The following SPTBN1 variants were observed in gnomAD, a reference collection of about 807,000 sequenced individuals.
SPTBN1 encodes the protein spectrin beta chain, non-erythrocytic 1.
A neutral mutation model predicts 266.4 loss-of-function variants in SPTBN1; 32 were observed. That is an observed-to-expected ratio of 0.12 (90% confidence interval 0.09 to 0.16). The LOEUF (loss-of-function observed/expected upper bound fraction) is 0.16, where lower values mean the gene tolerates loss of function less well. Among genes scored for constraint, SPTBN1 ranks in the 10% least tolerant of loss-of-function variants. The probability of loss-of-function intolerance (pLI) is 1.00; values close to 1 mark genes in which losing one functional copy is unlikely to be tolerated. For synonymous variants in SPTBN1, 1,336 were observed against 1,162.2 expected (o/e 1.15, Z -3.04); for missense variants, 2,296 against 3,067.1 (o/e 0.75, Z 5.94).
At chr2:54,512,988 A>G (rs1296120704) in intron 1 of SPTBN1, among the ~76,000 whole-genome samples, 1 of 152,148 alleles carries the variant, frequency 6.6e-6, no homozygotes, top group Non-Finnish European at 1.5e-5. Context: ...ACTTGAGCCC[A>G]GGAGACCAGC....
intron 1 of SPTBN1, among the ~76,000 whole-genome samples, chr2:54,477,989 G>T (rs1573229599): frequency 6.6e-6 from 1 of 152,074 alleles, no homozygotes; most frequent in South Asian, 2.1e-4. Flanking sequence ...ACCTTCTTCA[G>T]AGCCACAGTT....
intron 3 of SPTBN1, among the ~76,000 whole-genome samples, chr2:54,600,714 A>T (rs370590673): frequency 2.0e-4 from 25 of 126,894 alleles, no homozygotes; most frequent in Admixed American, 3.2e-4. Context: ...TTATTTATTG[A>T]TTTTTTTTTT....
Position 54,671,010 on chromosome 2 carries a change from T to C in SPTBN1, c.*2441T>C. 1 of 392,892 alleles carries C rather than the reference T, an allele frequency of 2.5e-6. No homozygotes were observed. Among genetic ancestry groups the C allele is most frequent in the South Asian group, 1.4e-4 (1 of 6,960 alleles). The allele number at this position is 392,892 out of a possible 1,614,324, so 24.3% of individuals were successfully genotyped here. A position where few individuals can be genotyped will look rare whatever the true frequency, so the allele number is the denominator to read the frequency against. ...GTTTTTTGAGGATTTTGCATATTTC[T>C]TGTTGCCATAATGCTGTGCTATTTT... is the stretch of plus-strand genomic sequence containing the variant. On this transcript the variant is annotated 3_prime_UTR_variant, in exon 36 of 36. Coordinates refer to ENST00000356805, the MANE Select transcript of SPTBN1 (RefSeq NM_003128.3).
chr2:54,670,003 C>T lies in SPTBN1; in HGVS notation c.*1434C>T, dbSNP rs1200495052. 1 of 152,204 alleles carries T rather than the reference C, an allele frequency of 6.6e-6. No homozygotes were observed. Among genetic ancestry groups the T allele is most frequent in the Non-Finnish European group, 1.5e-5 (1 of 68,040 alleles). The allele number at this position is 152,204 out of a possible 1,614,324, so 9.4% of individuals were successfully genotyped here. The stretch of plus-strand genomic sequence containing the variant: ...ATATTTTAGGCTTTGTAGGCCGTAA[C>T]TGTCTCTGTTGCTCAATTCTGCTGT... On this transcript the variant is annotated 3_prime_UTR_variant, in exon 36 of 36. Coordinates refer to ENST00000356805, the MANE Select transcript of SPTBN1 (RefSeq NM_003128.3).
At chr2:54,600,714 A>AT (rs374090607) in intron 3 of SPTBN1, among the ~76,000 whole-genome samples, 34,543 of 126,858 alleles carry the variant, frequency 0.27, 4,922 homozygotes, top group African/African-American at 0.39. Flanking sequence ...TTATTTATTG[A>AT]TTTTTTTTTT....
At chr2:54,471,800 A>ATTGTTTTTTTTTTTTT (rs1693933627) in intron 1 of SPTBN1, among the ~76,000 whole-genome samples, 1 of 102,718 alleles carries the variant, frequency 9.7e-6, no homozygotes. Flanking sequence ...TTTTTTATCG[A>ATTGTTTTTTTTTTTTT]TTTTTTTTTT....
intron 1 of SPTBN1, among the ~76,000 whole-genome samples, chr2:54,524,381 C>T (rs142354069): frequency 6.6e-6 from 1 of 152,074 alleles, no homozygotes; most frequent in Non-Finnish European, 1.5e-5. Context: ...GGGAATTTAA[C>T]CACATTTAAC....
At chr2:54,503,925 AC>A (rs2104143491) in intron 1 of SPTBN1, among the ~76,000 whole-genome samples, 1 of 152,332 alleles carries the variant, frequency 6.6e-6, no homozygotes, top group East Asian at 1.9e-4. Context: ...AACAGCCATA[AC>A]AAACCATATT....
chr2:54,482,464 C>G (rs1668149031), intron 1 of SPTBN1, among the ~76,000 whole-genome samples: 3 of 152,116 alleles, frequency 2.0e-5, no homozygotes, highest in African/African-American at 7.2e-5. Flanking sequence ...GAATGGGCAC[C>G]AGGACTTGCA....
chr2:54,472,015 T>C (rs1270910203), intron 1 of SPTBN1, among the ~76,000 whole-genome samples: 1 of 130,410 alleles, frequency 7.7e-6, no homozygotes, highest in African/African-American at 3.0e-5. Flanking sequence ...ACTGGGGCCC[T>C]GAAGATGTTT....
Position 54,626,837 on chromosome 2 carries a change from A to G in SPTBN1, c.1644+603A>G, listed in dbSNP as rs1678373105. Reference sequence around the variant, plus strand: ...ATGGGCTGGATGGCAGTGGCTGGTCATGCCATTTATTGACTGCTCTTAGCA... The same window carrying G: ...ATGGGCTGGATGGCAGTGGCTGGTCGTGCCATTTATTGACTGCTCTTAGCA... On this transcript the variant is annotated intron_variant, in intron 12 of 35. Coordinates refer to ENST00000356805, the MANE Select transcript of SPTBN1 (RefSeq NM_003128.3). The surrounding 1 kb of genome is among the most constrained non-coding windows in gnomAD (Gnocchi z 4.7). Among the ~76,000 whole-genome samples the G allele has an allele frequency of 6.6e-6, 1 of 152,196 alleles. No individual in the cohort carries two copies. Among genetic ancestry groups the G allele is most frequent in the Non-Finnish European group, 1.5e-5 (1 of 68,046 alleles).
chr2:54,594,969 G>C (rs1390344260), intron 2 of SPTBN1, among the ~76,000 whole-genome samples: 3 of 151,230 alleles, frequency 2.0e-5, no homozygotes, highest in African/African-American at 7.3e-5. Context: ...CAAGTAGCTG[G>C]GATTAGAGGC....
At position 54,629,973 on chromosome 2, in the gene SPTBN1, C is replaced by T. The variant is rs1678624240; in HGVS notation, c.2751C>T (p.His917=). 1.2e-6 allele frequency: 2 copies of T among 1,614,040 alleles called. No individual in the cohort carries two copies. The highest frequency in any genetic ancestry group is 1.3e-5 in the African/African-American group (1 of 74,944). Residue 917 remains histidine (H), a synonymous_variant, in exon 15 of 36, where the codon CAC becomes CAT. Transcript: ENST00000356805. ...ACCAGATTGCACGCCAGCTGATGCA[C>T]AGCGGCCACCCAAGTGAGAAGGAAA... The part of the protein sequence containing the change: ...VVNQIARQLM[H]SGHPSEKEIK...
intron 2 of SPTBN1, among the ~76,000 whole-genome samples, chr2:54,551,966 G>A (rs1672589854): frequency 6.6e-6 from 1 of 152,150 alleles, no homozygotes; most frequent in Non-Finnish European, 1.5e-5. Flanking sequence ...TCTCTGAGGT[G>A]TCACTGCTAT....
chr2:54,491,135 A>G (rs959521405), intron 1 of SPTBN1, among the ~76,000 whole-genome samples: 1 of 152,226 alleles, frequency 6.6e-6, no homozygotes, highest in African/African-American at 2.4e-5. Flanking sequence ...AAGAAACTCT[A>G]AGGGACCTTA....
chr2:54,661,173 T>G, intron 32 of SPTBN1: 1 of 985,554 alleles, frequency 1.0e-6, no homozygotes, highest in Non-Finnish European at 1.2e-6. Flanking sequence ...TAAAGGAAGC[T>G]TTTAGGATGG....
At chr2:54,550,337 G>A (rs1255030651) in intron 2 of SPTBN1, among the ~76,000 whole-genome samples, 1 of 152,194 alleles carries the variant, frequency 6.6e-6, no homozygotes, top group Non-Finnish European at 1.5e-5. Flanking sequence ...CTATCTCAGT[G>A]AGAGATCAGC....
rs185861084 is a variant in SPTBN1 at position 54,656,101 on chromosome 2, C to G, written c.6046+103C>G. The G allele has an allele frequency of 4.2e-5, 44 of 1,038,408 alleles. No individual in the cohort carries two copies. In the Admixed American group the frequency reaches 6.5e-4, roughly 15 times the overall value. 64.3% of individuals were successfully genotyped at this position (1,038,408 alleles called of 1,614,324 possible). A position where few individuals can be genotyped will look rare whatever the true frequency, so the allele number is the denominator to read the frequency against. On this transcript the variant is annotated intron_variant, in intron 29 of 35. Coordinates refer to ENST00000356805, the MANE Select transcript of SPTBN1 (RefSeq NM_003128.3). ...TTAATGTTATCATTTAAAGATTGTT[C>G]GAGTTGTAGATGCCTTTTTAGTGCC...
At chr2:54,483,557 G>T (rs11125540) in intron 1 of SPTBN1, among the ~76,000 whole-genome samples, 2 of 152,330 alleles carry the variant, frequency 1.3e-5, no homozygotes, top group East Asian at 1.9e-4. Flanking sequence ...GCTCTTTGCT[G>T]TGCCTTCCTG....
Sources: allele counts gnomAD v4.1 joint callset (sites outside exome capture counted in the v4.1 genomes callset), GRCh38; gene constraint gnomAD v4.1.1; non-coding constraint Gnocchi (gnomAD v3.1); transcripts MANE v1.5; gene names NCBI Gene and HGNC (gene_info 2026-07-23, HGNC 2026-07-21).